Variants in ADAM12 observed in about 807,000 individuals in gnomAD.
ADAM12 encodes disintegrin and metalloproteinase domain-containing protein 12.
A neutral mutation model predicts 106.4 loss-of-function variants in ADAM12; 70 were observed. The ratio of observed to expected loss-of-function variants is 0.66; its 90% CI spans 0.54 to 0.80. ADAM12 has a LOEUF of 0.80. ADAM12 is among the 30% of genes least tolerant of loss of function. The pLI, the probability that ADAM12 is intolerant of heterozygous loss-of-function variation, is 0.00. For synonymous variants in ADAM12, 420 were observed against 433.5 expected, an observed-to-expected ratio of 0.97 and a Z score of 0.39; for missense variants, 1,010 against 1,171.9, an observed-to-expected ratio of 0.86 and a Z score of 2.02.
rs187554185 is a variant in ADAM12, at chr10:126,255,176, C to T, written c.260+23739G>A. Among the ~76,000 whole-genome samples, 95 of 152,258 alleles carry T rather than the reference C, an allele frequency of 6.2e-4. No homozygotes were observed. In the Middle Eastern group the frequency reaches 0.01, roughly 16 times the overall value. ...CAGTCCCAGCTCCCAGTGGTGTCGC[C>T]GGCCAGCTGGCACTCAGGCTGATGT... On this transcript the variant is annotated intron_variant, in intron 3 of 22. Coordinates refer to ENST00000448723, the MANE Select transcript of ADAM12 (RefSeq NM_001288973.2).
At chr10:126,378,757 A>T (rs1564765926) in intron 1 of ADAM12, among the ~76,000 whole-genome samples, 1 of 152,206 alleles carries the variant, frequency 6.6e-6, no homozygotes, top group Non-Finnish European at 1.5e-5. Flanking sequence ...GGCTGGCAAA[A>T]ATATGGGTGT....
intron 11 of ADAM12, among the ~76,000 whole-genome samples, chr10:126,083,817 G>A (rs990603590): frequency 6.6e-6 from 1 of 152,218 alleles, no homozygotes; most frequent in African/African-American, 2.4e-5. Flanking sequence ...GCCCAGCGGT[G>A]CACAGGGACA....
chr10:126,186,098 G>T (rs1297978120), intron 3 of ADAM12, among the ~76,000 whole-genome samples: 1 of 152,174 alleles, frequency 6.6e-6, no homozygotes. Context: ...CAAGGGTTGT[G>T]GCAAGGGTGC....
intron 3 of ADAM12, among the ~76,000 whole-genome samples, chr10:126,231,249 A>G (rs1375063223): frequency 1.3e-5 from 2 of 152,156 alleles, no homozygotes; most frequent in Non-Finnish European, 2.9e-5. Flanking sequence ...TTTGCGAGAA[A>G]CTTATTTACT....
At chr10:126,193,136 G>A (rs1393607976) in intron 3 of ADAM12, among the ~76,000 whole-genome samples, 2 of 151,896 alleles carry the variant, frequency 1.3e-5, no homozygotes, top group Non-Finnish European at 2.9e-5. Context: ...GTGATGGCCT[G>A]TGCCTGTGGT....
chr10:126,325,123 G>A (rs1854250731), intron 2 of ADAM12, among the ~76,000 whole-genome samples: 1 of 152,094 alleles, frequency 6.6e-6, no homozygotes. Context: ...CTAATGAAAA[G>A]CAAAAACAAA....
At chr10:126,275,148 G>A (rs576556769) in intron 3 of ADAM12, among the ~76,000 whole-genome samples, 13 of 152,294 alleles carry the variant, frequency 8.5e-5, no homozygotes, top group Admixed American at 2.0e-4. Flanking sequence ...TGTAAGGAAC[G>A]TGATCTACTG....
chr10:126,103,119 T>C (rs1210046925), intron 8 of ADAM12, among the ~76,000 whole-genome samples: 3 of 152,130 alleles, frequency 2.0e-5, no homozygotes, highest in Non-Finnish European at 4.4e-5. Flanking sequence ...TAGTGCTAGG[T>C]TTGCTGCTTC....
At chr10:126,177,346 C>T (rs937030290) in intron 3 of ADAM12, among the ~76,000 whole-genome samples, 1 of 151,834 alleles carries the variant, frequency 6.6e-6, no homozygotes, top group Non-Finnish European at 1.5e-5. Context: ...TGACGGCCAC[C>T]GTTTATGGAA....
At chr10:126,239,048 T>A (rs1004012703) in intron 3 of ADAM12, among the ~76,000 whole-genome samples, 1 of 152,230 alleles carries the variant, frequency 6.6e-6, no homozygotes, top group African/African-American at 2.4e-5. Context: ...TAAGTAGGCA[T>A]CTTGGGAGCT....
chr10:126,063,053 C>T (rs1416439457), intron 14 of ADAM12, among the ~76,000 whole-genome samples: 1 of 152,246 alleles, frequency 6.6e-6, no homozygotes, highest in Non-Finnish European at 1.5e-5. Flanking sequence ...TCCCCCACTG[C>T]TCCTGCCCCC....
At chr10:126,191,430 G>A (rs772616382) in intron 3 of ADAM12, among the ~76,000 whole-genome samples, 12 of 152,246 alleles carry the variant, frequency 7.9e-5, no homozygotes, top group South Asian at 2.1e-4. Flanking sequence ...GCAGGTGACC[G>A]CATGAGTCCA....
chr10:126,092,699 T>G (rs112090132), intron 11 of ADAM12, among the ~76,000 whole-genome samples: 4,857 of 152,246 alleles, frequency 0.032, 266 homozygotes, highest in African/African-American at 0.11. Context: ...GAATTATGCT[T>G]AAGAGGGAAC....
intron 7 of ADAM12, among the ~76,000 whole-genome samples, chr10:126,109,450 G>T (rs1955830084): frequency 6.6e-6 from 1 of 152,048 alleles, no homozygotes; most frequent in African/African-American, 2.4e-5. Context: ...CCATTTTAAA[G>T]ACTAAACTTT....
chr10:126,276,829 T>C (rs2133749188), intron 3 of ADAM12, among the ~76,000 whole-genome samples: 1 of 152,322 alleles, frequency 6.6e-6, no homozygotes, highest in Non-Finnish European at 1.5e-5. Flanking sequence ...AGGGAACAAA[T>C]TAAGTCACCT....
At chr10:126,128,563 G>A (rs1956243781) in intron 5 of ADAM12, among the ~76,000 whole-genome samples, 1 of 152,068 alleles carries the variant, frequency 6.6e-6, no homozygotes, top group Admixed American at 6.5e-5. Flanking sequence ...GTGTGCAAGT[G>A]GGCGCCTGTG....
chr10:126,255,721 T>A (rs543224666), intron 3 of ADAM12, among the ~76,000 whole-genome samples: 4 of 152,240 alleles, frequency 2.6e-5, no homozygotes, highest in Non-Finnish European at 4.4e-5. Flanking sequence ...CCTGGCTCCA[T>A]GAGGGTTGTC....
chr10:126,298,547 T>C (rs1187486791), intron 2 of ADAM12, among the ~76,000 whole-genome samples: 1 of 152,074 alleles, frequency 6.6e-6, no homozygotes, highest in East Asian at 1.9e-4. Flanking sequence ...TGGGACATGG[T>C]GAAAGGTATA....
intron 18 of ADAM12, chr10:126,041,426 TCTTA>T (rs1243799747): frequency 8.1e-6 from 8 of 985,652 alleles, no homozygotes; most frequent in African/African-American, 1.7e-5. Flanking sequence ...TTTTTAACAT[TCTTA>T]CTTGTTAAAT....
Sources: allele counts gnomAD v4.1 joint callset (sites outside exome capture counted in the v4.1 genomes callset), GRCh38; gene constraint gnomAD v4.1.1; transcripts MANE v1.5; gene names NCBI Gene and HGNC (gene_info 2026-07-23, HGNC 2026-07-21).